EYA3: variants seen among roughly 807,000 people sequenced by gnomAD.
EYA3 encodes protein phosphatase EYA3.
A neutral mutation model predicts 80.0 loss-of-function variants in EYA3; 39 were observed. The ratio of observed to expected loss-of-function variants is 0.49; its 90% CI spans 0.38 to 0.64. The LOEUF is 0.64. Ranked by LOEUF, EYA3 falls within the 30% of genes least tolerant of loss-of-function variation. The pLI is 0.00. For missense variants in EYA3, 523 were observed against 676.1 expected (o/e 0.77, Z 2.51); for synonymous variants, 206 against 232.8 (o/e 0.88, Z 1.05).
chr1:28,011,800 T>C (rs1443974866), intron 9 of EYA3, among the ~76,000 whole-genome samples: 1 of 152,330 alleles, frequency 6.6e-6, no homozygotes, highest in East Asian at 1.9e-4. Flanking sequence ...TCACAATTTA[T>C]GGACCTTATA....
chr1:28,010,572 T>TG (rs1412122419), intron 10 of EYA3, among the ~76,000 whole-genome samples: 1 of 152,064 alleles, frequency 6.6e-6, no homozygotes, highest in African/African-American at 2.4e-5. Flanking sequence ...TTTTTAGAGA[T>TG]GGGGGTCTCA....
intron 9 of EYA3, among the ~76,000 whole-genome samples, chr1:28,012,809 C>G (rs1223876719): frequency 3.9e-5 from 6 of 152,134 alleles, no homozygotes; most frequent in African/African-American, 1.2e-4. Context: ...CCAACTTTTA[C>G]AAAATATTAT....
intron 5 of EYA3, among the ~76,000 whole-genome samples, chr1:28,036,095 G>A (rs940961220): frequency 7.2e-5 from 11 of 152,180 alleles, no homozygotes; most frequent in Admixed American, 2.0e-4. Context: ...GATTACAGGC[G>A]TGAGCCACTG....
intron 13 of EYA3, among the ~76,000 whole-genome samples, chr1:27,995,085 T>G (rs1479987321): frequency 1.3e-5 from 2 of 151,866 alleles, no homozygotes; most frequent in Non-Finnish European, 2.9e-5. Flanking sequence ...AAAAAATAAA[T>G]TAACAATAGA....
chr1:27,993,108 T>C (rs1640188494), intron 14 of EYA3, among the ~76,000 whole-genome samples: 1 of 152,164 alleles, frequency 6.6e-6, no homozygotes, highest in Admixed American at 6.5e-5. Flanking sequence ...TGACAGCAGT[T>C]GTGATACATG....
chr1:28,082,328 TATAAA>T (rs1440391513), intron 1 of EYA3, among the ~76,000 whole-genome samples: 1 of 152,128 alleles, frequency 6.6e-6, no homozygotes, highest in East Asian at 1.9e-4. Context: ...CCTCAACTTA[TATAAA>T]ATAATCTCCT....
At chr1:28,006,987 C>T (rs1422909979) in intron 10 of EYA3, among the ~76,000 whole-genome samples, 2 of 131,366 alleles carry the variant, frequency 1.5e-5, no homozygotes, top group Non-Finnish European at 3.1e-5. Context: ...GTCACCCAGG[C>T]TGAAGTGTAG....
Position 28,010,945 on chromosome 1 carries a change from A to G in EYA3, c.909+2T>C. On this transcript the variant is annotated splice_donor_variant, in intron 10 of 17. Transcript: ENST00000373871. LOFTEE classifies it high-confidence loss of function. ...GGTAACTAAATCAGTTTCTTCTCAT[A>G]CTTCTAATTCACTGTCTTGGGAAGA... 1 of 1,609,404 alleles carries G rather than the reference A, an allele frequency of 6.2e-7. No homozygotes were observed. Among genetic ancestry groups the G allele is most frequent in the Non-Finnish European group, 8.5e-7 (1 of 1,178,704 alleles).
chr1:28,065,872 G>A (rs939436840), intron 1 of EYA3, among the ~76,000 whole-genome samples: 2 of 151,696 alleles, frequency 1.3e-5, no homozygotes, highest in Admixed American at 6.6e-5. Flanking sequence ...GCATGGTGGC[G>A]CATGCCTGTA....
chr1:27,974,527 C>T lies in EYA3; in HGVS notation c.1661G>A (p.Arg554Lys). Residue 554 changes from arginine (R) to lysine (K), a missense_variant, in exon 18 of 18, where the codon AGG becomes AAG. By Grantham distance (26) the Arg-to-Lys change is conservative. Transcript: ENST00000373871. ...AAKQHNMPFW[R>K]ITNHGDLVSL... ...TACTAGGTCTCCATGGTTTGTGATC[C>T]TCCAGAAAGGCATGTTGTGCTGGAA... 6.2e-7 allele frequency: 1 copy of T among 1,612,782 alleles called. No individual in the cohort carries two copies. Among genetic ancestry groups the T allele is most frequent in the Non-Finnish European group, 8.5e-7 (1 of 1,178,944 alleles).
chr1:28,087,679 T>C (rs1645711208), intron 1 of EYA3, among the ~76,000 whole-genome samples: 1 of 152,152 alleles, frequency 6.6e-6, no homozygotes, highest in African/African-American at 2.4e-5. Context: ...AATATTGGCG[T>C]TTTTGCCTCA....
chr1:28,023,636 CATTAAAAGCAA>C (rs781343634), intron 7 of EYA3, among the ~76,000 whole-genome samples: 1 of 152,056 alleles, frequency 6.6e-6, no homozygotes, highest in Non-Finnish European at 1.5e-5. Flanking sequence ...CTGTCAAGGT[CATTAAAAGCAA>C]GGAAAAGCCT....
intron 17 of EYA3, among the ~76,000 whole-genome samples, chr1:27,977,765 T>C (rs1322950874): frequency 6.6e-6 from 1 of 151,652 alleles, no homozygotes; most frequent in African/African-American, 2.4e-5. Flanking sequence ...GGAAAATTGC[T>C]TGAACCCAGG....
At chr1:28,046,887 AC>A (rs1644026665) in intron 3 of EYA3, among the ~76,000 whole-genome samples, 1 of 151,554 alleles carries the variant, frequency 6.6e-6, no homozygotes, top group Non-Finnish European at 1.5e-5. Flanking sequence ...TCTGCCACCA[AC>A]CCAGGATGGA....
chr1:28,023,100 C>A (rs1292448706), intron 7 of EYA3, among the ~76,000 whole-genome samples: 1 of 126,874 alleles, frequency 7.9e-6, no homozygotes, highest in East Asian at 2.2e-4. Context: ...GGGGGGAAAA[C>A]CAAAAACTAA....
At chr1:28,026,889 G>T (rs557338494) in intron 7 of EYA3, among the ~76,000 whole-genome samples, 2 of 152,232 alleles carry the variant, frequency 1.3e-5, no homozygotes, top group East Asian at 3.9e-4. Context: ...CCAAGGAGAA[G>T]TAGTTTTCAA....
intron 1 of EYA3, among the ~76,000 whole-genome samples, chr1:28,065,484 G>A (rs1394875399): frequency 6.6e-6 from 1 of 151,692 alleles, no homozygotes; most frequent in South Asian, 2.1e-4. Context: ...TGTTGACCAG[G>A]ATAGTCTGGA....
rs756670385 is a variant in EYA3 at position 28,011,135 on chromosome 1, G to GA, written c.770-50dup. On this transcript the variant is annotated intron_variant, in intron 9 of 17. Coordinates refer to ENST00000373871, the MANE Select transcript of EYA3 (RefSeq NM_001990.4). ...TGTTGTCAGGAGTCACAGGCTATAA[G>GA]AATCAGGGCAGGAAGAGGGTTAGTG... 4.5e-5 allele frequency: 72 copies of GA among 1,586,138 alleles called. 1 individual carries two copies. The South Asian group carries it at 8.2e-4, about 18-fold the overall frequency.
intron 1 of EYA3, among the ~76,000 whole-genome samples, chr1:28,078,833 T>A (rs998903879): frequency 1.3e-5 from 2 of 152,228 alleles, no homozygotes; most frequent in Non-Finnish European, 2.9e-5. Flanking sequence ...ATACACATAG[T>A]AAGTCACCAA....
Sources: allele counts gnomAD v4.1 joint callset (sites outside exome capture counted in the v4.1 genomes callset), GRCh38; gene constraint gnomAD v4.1.1; transcripts MANE v1.5; gene names NCBI Gene and HGNC (gene_info 2026-07-23, HGNC 2026-07-21).